FILIP1: variants seen among roughly 807,000 people sequenced by gnomAD.
The protein encoded by FILIP1 is filamin-A-interacting protein 1.
Under a neutral mutation model 102.1 loss-of-function variants are expected in FILIP1, and 61 were observed. That is an observed-to-expected ratio of 0.60 (90% CI 0.49 to 0.74). FILIP1 has a LOEUF of 0.74. Ranked by LOEUF, FILIP1 falls within the 30% of genes least tolerant of loss-of-function variation. The pLI is 0.00. For missense variants in FILIP1, 1,314 were observed against 1,441.2 expected (o/e 0.91, Z 1.43); for synonymous variants, 491 against 526.9 (o/e 0.93, Z 0.93).
intron 2 of FILIP1, among the ~76,000 whole-genome samples, chr6:75,408,227 A>G (rs1208971845): frequency 6.6e-6 from 1 of 152,228 alleles, no homozygotes; most frequent in East Asian, 1.9e-4. Flanking sequence ...TACTTCACGC[A>G]GGCCATGCGG....
At chr6:75,490,273 T>C (rs1779918234) in intron 1 of FILIP1, among the ~76,000 whole-genome samples, 1 of 152,134 alleles carries the variant, frequency 6.6e-6, no homozygotes, top group African/African-American at 2.4e-5. Context: ...AGAGTAAGTT[T>C]CATCACTTTG....
At chr6:75,482,893 T>A (rs1394461447) in intron 1 of FILIP1, among the ~76,000 whole-genome samples, 1 of 152,222 alleles carries the variant, frequency 6.6e-6, no homozygotes, top group African/African-American at 2.4e-5. Flanking sequence ...TGAGTACTTG[T>A]TTGGTTCAAG....
At chr6:75,455,819 G>A (rs1778810719) in intron 1 of FILIP1, among the ~76,000 whole-genome samples, 1 of 152,084 alleles carries the variant, frequency 6.6e-6, no homozygotes, top group Non-Finnish European at 1.5e-5. Flanking sequence ...GGCTACTAAG[G>A]TCAAGATACT....
At chr6:75,378,744 A>G (rs1281720682) in intron 2 of FILIP1, among the ~76,000 whole-genome samples, 1 of 152,178 alleles carries the variant, frequency 6.6e-6, no homozygotes, top group African/African-American at 2.4e-5. Context: ...GACTACATGG[A>G]ACACAAACAC....
intron 1 of FILIP1, among the ~76,000 whole-genome samples, chr6:75,434,915 G>A (rs957706549): frequency 2.6e-5 from 4 of 152,124 alleles, no homozygotes; most frequent in Non-Finnish European, 4.4e-5. Context: ...GAATTTTGTC[G>A]AAGGCCTTTT....
chr6:75,492,734 T>C (rs986822716), intron 1 of FILIP1, among the ~76,000 whole-genome samples: 4 of 152,232 alleles, frequency 2.6e-5, no homozygotes, highest in South Asian at 4.1e-4. Flanking sequence ...ATCTGTTATA[T>C]CTAAATACAA....
intron 2 of FILIP1, among the ~76,000 whole-genome samples, chr6:75,409,082 G>C (rs1267752047): frequency 6.6e-6 from 1 of 152,154 alleles, no homozygotes; most frequent in African/African-American, 2.4e-5. Flanking sequence ...AATAGCTTCA[G>C]CCTGTGAGTT....
chr6:75,331,859 C>T (rs1420342975), intron 4 of FILIP1, among the ~76,000 whole-genome samples: 2 of 152,096 alleles, frequency 1.3e-5, no homozygotes, highest in Non-Finnish European at 2.9e-5. Flanking sequence ...ACCCTAACCC[C>T]CCATGCGCTG....
intron 4 of FILIP1, among the ~76,000 whole-genome samples, chr6:75,346,261 A>G (rs1257921209): frequency 1.3e-5 from 2 of 152,246 alleles, no homozygotes; most frequent in East Asian, 3.8e-4. Context: ...AAATTAATTC[A>G]TGGCATAACC....
chr6:75,390,434 G>T (rs6937768), intron 2 of FILIP1, among the ~76,000 whole-genome samples: 94,230 of 152,002 alleles, frequency 0.62, 29,298 homozygotes, highest in South Asian at 0.7. Context: ...TTGGCTCATG[G>T]TTCCACAGGC....
intron 1 of FILIP1, among the ~76,000 whole-genome samples, chr6:75,433,891 T>G (rs1432825849): frequency 6.6e-6 from 1 of 152,240 alleles, no homozygotes; most frequent in Non-Finnish European, 1.5e-5. Context: ...GGATACAGTT[T>G]CAGCTTTCTA....
chr6:75,329,066 T>A (rs1398836102), intron 4 of FILIP1, among the ~76,000 whole-genome samples: 2 of 152,232 alleles, frequency 1.3e-5, no homozygotes, highest in African/African-American at 4.8e-5. Flanking sequence ...CCACAGATAC[T>A]TGTTAATTTA....
At chr6:75,427,616 C>T (rs566869837) in intron 1 of FILIP1, among the ~76,000 whole-genome samples, 33 of 152,208 alleles carry the variant, frequency 2.2e-4, no homozygotes, top group African/African-American at 7.7e-4. Flanking sequence ...CCAAAACTAT[C>T]GATTGCGTCT....
chr6:75,408,069 C>T (rs1399860617), intron 2 of FILIP1, among the ~76,000 whole-genome samples: 3 of 152,156 alleles, frequency 2.0e-5, no homozygotes, highest in Non-Finnish European at 2.9e-5. Flanking sequence ...AATGATGGGC[C>T]GGGGTACTAT....
At chr6:75,360,048 C>T (rs1356148888) in intron 3 of FILIP1, among the ~76,000 whole-genome samples, 2 of 152,184 alleles carry the variant, frequency 1.3e-5, no homozygotes, top group South Asian at 4.1e-4. Context: ...TACCTGCAGA[C>T]AGGCTCCACC....
chr6:75,479,982 G>A (rs1249375727), intron 1 of FILIP1, among the ~76,000 whole-genome samples: 5 of 151,626 alleles, frequency 3.3e-5, no homozygotes. Context: ...GTTATAAGGG[G>A]TTTTTCTTCA....
chr6:75,319,691 G>T (rs1344595379), intron 4 of FILIP1: 1 of 335,812 alleles, frequency 3.0e-6, no homozygotes, highest in African/African-American at 2.1e-5. Context: ...TTAGCCGGGC[G>T]TAGCGGCGGG....
At chr6:75,366,647 A>G (rs1775347800) in intron 2 of FILIP1, among the ~76,000 whole-genome samples, 1 of 152,236 alleles carries the variant, frequency 6.6e-6, no homozygotes, top group Non-Finnish European at 1.5e-5. Flanking sequence ...GCATTAAAGT[A>G]GGTGCTGAGA....
intron 1 of FILIP1, 58 bp downstream of exon 1, chr6:75,493,356 C>T (rs1227772363): frequency 6.6e-6 from 1 of 152,192 alleles, no homozygotes; most frequent in Non-Finnish European, 1.5e-5. Flanking sequence ...AGAGAACTCT[C>T]TTCTTGTGGA....
Sources: allele counts gnomAD v4.1 joint callset (sites outside exome capture counted in the v4.1 genomes callset), GRCh38; gene constraint gnomAD v4.1.1; transcripts MANE v1.5; gene names NCBI Gene and HGNC (gene_info 2026-07-23, HGNC 2026-07-21).